The following CSMD1 variants were observed in gnomAD, a reference collection of about 807,000 sequenced individuals.
The protein encoded by CSMD1 is CUB and sushi domain-containing protein 1.
A neutral mutation model predicts 417.5 loss-of-function variants in CSMD1; 213 were observed. The ratio of observed to expected loss-of-function variants is 0.51; its 90% confidence interval spans 0.46 to 0.57. The LOEUF is 0.57. Ranked by LOEUF, CSMD1 falls within the 20% of genes least tolerant of loss-of-function variation. CSMD1 has a pLI of 0.00. For synonymous variants in CSMD1, 2,862 were observed against 1,736.8 expected, an observed-to-expected ratio of 1.65 and a Z score of -16.11; for missense variants, 6,923 against 4,529.7, an observed-to-expected ratio of 1.53 and a Z score of -15.17.
chr8:4,439,205 A>C (rs1798321811), intron 2 of CSMD1, among the ~76,000 whole-genome samples: 1 of 152,126 alleles, frequency 6.6e-6, no homozygotes, highest in Non-Finnish European at 1.5e-5. Flanking sequence ...CACATTGCAA[A>C]TTTCATTTAT....
intron 3 of CSMD1, among the ~76,000 whole-genome samples, chr8:4,404,522 A>T (rs1804876619): frequency 6.6e-6 from 1 of 152,160 alleles, no homozygotes; most frequent in South Asian, 2.1e-4. Flanking sequence ...GGCAAAAAAT[A>T]AGTTTCATGA....
intron 3 of CSMD1, among the ~76,000 whole-genome samples, chr8:4,157,590 T>A (rs943563959): frequency 6.6e-6 from 1 of 152,160 alleles, no homozygotes; most frequent in Non-Finnish European, 1.5e-5. Context: ...CCTCTGCCGG[T>A]CATGTAACAA....
At position 4,994,819 on chromosome 8, in the gene CSMD1, G is replaced by T. The variant is rs570171170; in HGVS notation, c.-403C>A. 11 of 140,824 alleles carry T rather than the reference G, an allele frequency of 7.8e-5. No homozygotes were observed. The highest frequency in any genetic ancestry group is 3.0e-3 in the Middle Eastern group (1 of 334). The allele number at this position is 140,824 out of a possible 1,614,324, so 8.7% of individuals were successfully genotyped here. A position where few individuals can be genotyped will look rare whatever the true frequency, so the allele number is the denominator to read the frequency against. Reference sequence around the variant, plus strand: ...GCCAGCGAGTGGGAGATGCGGGGAGGGGGGCGCGGGGGGGAGGAGAGATCC... The same window carrying T: ...GCCAGCGAGTGGGAGATGCGGGGAGTGGGGCGCGGGGGGGAGGAGAGATCC... On this transcript the variant is annotated 5_prime_UTR_variant, in exon 1 of 70. Coordinates refer to ENST00000635120, the MANE Select transcript of CSMD1 (RefSeq NM_033225.6).
At chr8:3,206,576 TG>T (rs567343126) in intron 30 of CSMD1, among the ~76,000 whole-genome samples, 29,934 of 135,748 alleles carry the variant, frequency 0.22, 3,437 homozygotes, top group Non-Finnish European at 0.24. Context: ...TGTGTGTGTG[TG>T]TGTATGTGTG....
At chr8:4,116,828 TAA>T (rs68050758) in intron 3 of CSMD1, among the ~76,000 whole-genome samples, 1 of 150,580 alleles carries the variant, frequency 6.6e-6, no homozygotes. Flanking sequence ...TAGGGTCTAT[TAA>T]AAAAAAACAA....
chr8:3,710,248 C>G (rs945058593), intron 6 of CSMD1, among the ~76,000 whole-genome samples: 1 of 152,018 alleles, frequency 6.6e-6, no homozygotes, highest in African/African-American at 2.4e-5. Context: ...TAAGTGGATC[C>G]ATGCAGTTTA....
intron 3 of CSMD1, among the ~76,000 whole-genome samples, chr8:4,118,975 G>A (rs1184743145): frequency 1.3e-5 from 2 of 152,148 alleles, no homozygotes; most frequent in Non-Finnish European, 1.5e-5. Context: ...ATCATTCTCA[G>A]CAAACTAACA....
At position 2,957,797 on chromosome 8, in the gene CSMD1, G is replaced by A. The variant is rs560730568; in HGVS notation, c.9713C>T (p.Thr3238Met). 7.0e-6 allele frequency: 11 copies of A among 1,581,650 alleles called. No individual in the cohort carries two copies. The highest frequency in any genetic ancestry group is 2.7e-5 in the African/African-American group (2 of 74,546). The change falls in exon 63 of 70, where the codon ACG (threonine) becomes ATG (methionine). Residue 3238 changes from threonine (T) to methionine (M), a missense_variant. Coordinates refer to ENST00000635120, the MANE Select transcript of CSMD1 (RefSeq NM_033225.6). ...NSSRGYEVGS[T>M]VFFRCRKGYH... ...GCCTTTTCTGCACCTGAAAAAAACC[G>A]TGCTTCCAACCTAGAGAGGAAATCC...
chr8:4,184,702 G>T (rs1425910847), intron 3 of CSMD1, among the ~76,000 whole-genome samples: 2 of 152,168 alleles, frequency 1.3e-5, no homozygotes, highest in Non-Finnish European at 2.9e-5. Flanking sequence ...GAGGTTGGAA[G>T]GTGGGAGGAG....
chr8:4,250,916 A>C (rs1803025360), intron 3 of CSMD1, among the ~76,000 whole-genome samples: 1 of 152,212 alleles, frequency 6.6e-6, no homozygotes, highest in African/African-American at 2.4e-5. Flanking sequence ...ATAAGGTCTT[A>C]GTCACGGCTG....
intron 37 of CSMD1, among the ~76,000 whole-genome samples, chr8:3,179,012 A>G (rs1420588876): frequency 6.8e-6 from 1 of 146,310 alleles, no homozygotes; most frequent in Admixed American, 7.0e-5. Context: ...CAGTGGCGCG[A>G]TCTTGGCTCA....
intron 25 of CSMD1, among the ~76,000 whole-genome samples, chr8:3,297,388 C>G (rs891365518): frequency 1.3e-5 from 2 of 151,988 alleles, no homozygotes; most frequent in South Asian, 2.1e-4. Context: ...TGAAGAAGAA[C>G]AAAGCTAGAT....
rs377019385 is a variant in CSMD1 at position 3,406,185 on chromosome 8, G to C, written c.2108C>G (p.Pro703Arg). ...GQNECHDPGI[P>R]INGRRFGDRF... ...GTCACCAAAACGTCGTCCGTTTATAGGAATGCCAGGATCATGGCACTCATT... is the reference window on the plus strand; with the variant it reads ...GTCACCAAAACGTCGTCCGTTTATACGAATGCCAGGATCATGGCACTCATT... Residue 703 changes from proline to arginine, a missense_variant, in exon 15 of 70, where the codon CCT becomes CGT. Transcript: ENST00000635120. The C allele has an allele frequency of 6.2e-7, 1 of 1,611,194 alleles. No homozygotes were observed. The highest frequency in any genetic ancestry group is 1.1e-5 in the South Asian group (1 of 90,666).
chr8:3,949,818 C>T (rs1181825753), intron 5 of CSMD1: 3 of 433,616 alleles, frequency 6.9e-6, no homozygotes, highest in African/African-American at 2.0e-5. Flanking sequence ...GGGGCAATGA[C>T]CTGCTTCCAT....
intron 8 of CSMD1, among the ~76,000 whole-genome samples, chr8:3,593,612 T>C (rs1800958731): frequency 6.6e-6 from 1 of 152,214 alleles, no homozygotes; most frequent in Non-Finnish European, 1.5e-5. Context: ...TTTTAACTCT[T>C]TTAAGAATGA....
intron 3 of CSMD1, among the ~76,000 whole-genome samples, chr8:4,140,440 G>A (rs749609918): frequency 2.0e-5 from 3 of 151,018 alleles, no homozygotes; most frequent in East Asian, 1.9e-4. Flanking sequence ...GGAGGTTGCC[G>A]TGAGCCAAGA....
chr8:4,177,466 C>A (rs894523568), intron 3 of CSMD1, among the ~76,000 whole-genome samples: 11 of 152,030 alleles, frequency 7.2e-5, no homozygotes, highest in African/African-American at 2.4e-4. Flanking sequence ...TAAATGTCCA[C>A]AAGAGAAAGT....
intron 39 of CSMD1, among the ~76,000 whole-genome samples, chr8:3,155,359 A>ATGTTTTTTTTTTTTTTTTT (rs1819453406): frequency 2.3e-5 from 1 of 43,314 alleles, no homozygotes; most frequent in Non-Finnish European, 4.7e-5. Context: ...CAAGGCTGGG[A>ATGTTTTTTTTTTTTTTTTT]TTTTTTTTTT....
At chr8:3,488,040 C>CT (rs146309451) in intron 11 of CSMD1, among the ~76,000 whole-genome samples, 6 of 150,746 alleles carry the variant, frequency 4.0e-5, no homozygotes, top group African/African-American at 7.3e-5. Context: ...GAAGAGGTGA[C>CT]TTTTTTTTTC....
Sources: allele counts gnomAD v4.1 joint callset (sites outside exome capture counted in the v4.1 genomes callset), GRCh38; gene constraint gnomAD v4.1.1; transcripts MANE v1.5; gene names NCBI Gene and HGNC (gene_info 2026-07-23, HGNC 2026-07-21).